Variants in KLRG1 observed in about 807,000 individuals in gnomAD.
KLRG1 encodes killer cell lectin like receptor G1, also known as killer cell lectin-like receptor subfamily G member 1.
Under a neutral mutation model 21.8 loss-of-function variants are expected in KLRG1, and 16 were observed. The ratio of observed to expected loss-of-function variants is 0.73; its 90% CI spans 0.50 to 1.11. The LOEUF (loss-of-function observed/expected upper bound fraction) is 1.11. KLRG1 is among the 50% of genes most tolerant of loss of function. The pLI is 0.00. For missense variants in KLRG1, 173 were observed against 218.3 expected (o/e 0.79, Z 1.31); for synonymous variants, 69 against 75.9 (o/e 0.91, Z 0.47).
At chr12:9,161,337 T>C in the KLRG1 span, among the ~76,000 whole-genome samples, 1 of 152,236 alleles carries the variant, frequency 6.6e-6, no homozygotes, top group Non-Finnish European at 1.5e-5. Context: ...TGAGCAATTG[T>C]TATTATTGCA....
intron 3 of KLRG1, among the ~76,000 whole-genome samples, chr12:8,997,693 A>G (rs1486382914): frequency 2.6e-5 from 4 of 152,198 alleles, no homozygotes; most frequent in African/African-American, 9.7e-5. Context: ...TTCACCTCCT[A>G]TCTTAGATCA....
chr12:8,995,866 T>C (rs766180669), intron 3 of KLRG1, among the ~76,000 whole-genome samples: 123 of 152,006 alleles, frequency 8.1e-4, no homozygotes, highest in African/African-American at 2.9e-3. Context: ...GTATTTTTAG[T>C]AGAGATGGGA....
the KLRG1 span, chr12:9,203,626 C>T: frequency 2.1e-6 from 2 of 946,936 alleles, no homozygotes; most frequent in Non-Finnish European, 1.6e-6. Context: ...CAGGCGTGAG[C>T]CACCGCACCT....
chr12:9,069,381 T>C, the KLRG1 span, among the ~76,000 whole-genome samples: 2 of 152,224 alleles, frequency 1.3e-5, no homozygotes, highest in Non-Finnish European at 2.9e-5. Context: ...CAGTTTTTTT[T>C]CCCTTTCATA....
rs773848733 is a variant in KLRG1 at position 8,997,932 on chromosome 12, G to A, written c.357+2644G>A. Among the ~76,000 whole-genome samples, 152 of 152,088 alleles carry A rather than the reference G, an allele frequency of 1.0e-3. 1 individual carries two copies. Among genetic ancestry groups the A allele is most frequent in the African/African-American group, 3.6e-3 (149 of 41,504 alleles). On this transcript the variant is annotated intron_variant, in intron 3 of 4. Transcript: ENST00000356986. ...CTCCCAAGTAACTGGGGTTACAGGC[G>A]CCTGCCTCCACGCCCGACCTTTATG...
At chr12:9,202,877 A>G in the KLRG1 span, among the ~76,000 whole-genome samples, 1 of 152,198 alleles carries the variant, frequency 6.6e-6, no homozygotes, top group Non-Finnish European at 1.5e-5. Flanking sequence ...GGCCATCAAT[A>G]GAACCCAGAT....
At position 9,009,647 on chromosome 12, in the gene KLRG1, C is replaced by T; in HGVS notation, c.*110C>T. The T allele has an allele frequency of 6.8e-7, 1 of 1,473,964 alleles. No homozygotes were observed. The highest frequency in any genetic ancestry group is 9.0e-7 in the Non-Finnish European group (1 of 1,116,882). The allele number at this position is 1,473,964 out of a possible 1,614,324, so 91.3% of individuals were successfully genotyped here. ...GAGTATATAGTTAGCAAATACTGAA[C>T]TTTCTCAGATATGGCATTAGATGCA... On this transcript the variant is annotated 3_prime_UTR_variant, in exon 5 of 5. Coordinates refer to ENST00000356986, the MANE Select transcript of KLRG1 (RefSeq NM_005810.4).
chr12:9,096,111 G>A, the KLRG1 span, among the ~76,000 whole-genome samples: 6 of 152,280 alleles, frequency 3.9e-5, no homozygotes, highest in Middle Eastern at 3.4e-3. Context: ...ATGAACATCC[G>A]TCTTTCTTTG....
At chr12:8,973,881 A>G (rs1157558871) in intron 1 of KLRG1, among the ~76,000 whole-genome samples, 1 of 152,156 alleles carries the variant, frequency 6.6e-6, no homozygotes, top group Non-Finnish European at 1.5e-5. Flanking sequence ...GTATAGAAAC[A>G]TGAATGATTT....
At chr12:9,077,519 T>C in the KLRG1 span, 1 of 1,454,760 alleles carries the variant, frequency 6.9e-7, no homozygotes, top group Non-Finnish European at 9.5e-7. Flanking sequence ...TCCTTACCCA[T>C]ATCCATCCCT....
chr12:8,958,941 G>T (rs1229992937), intron 1 of KLRG1, among the ~76,000 whole-genome samples: 1 of 152,048 alleles, frequency 6.6e-6, no homozygotes, highest in Non-Finnish European at 1.5e-5. Context: ...ACATCTTAAT[G>T]TTGAGTCTTA....
chr12:9,100,392 C>T, the KLRG1 span, among the ~76,000 whole-genome samples: 1 of 152,062 alleles, frequency 6.6e-6, no homozygotes, highest in Admixed American at 6.6e-5. Context: ...TTATACACAA[C>T]AATATTTTAT....
chr12:9,074,641 C>T, the KLRG1 span: 4 of 1,613,892 alleles, frequency 2.5e-6, no homozygotes, highest in South Asian at 1.1e-5. Flanking sequence ...TCAGGTCCTC[C>T]GAGGTTGGGG....
At chr12:9,034,902 C>A in the KLRG1 span, among the ~76,000 whole-genome samples, 1 of 152,068 alleles carries the variant, frequency 6.6e-6, no homozygotes, top group African/African-American at 2.4e-5. Context: ...GTGTTACTGC[C>A]CCTGAAGAAC....
the KLRG1 span, chr12:9,065,264 G>A: frequency 6.7e-6 from 1 of 149,470 alleles, no homozygotes; most frequent in Non-Finnish European, 1.5e-5. Flanking sequence ...CGCCCCTTCC[G>A]AACTGGTGGA....
chr12:9,085,206 A>T, the KLRG1 span, among the ~76,000 whole-genome samples: 3 of 152,090 alleles, frequency 2.0e-5, no homozygotes, highest in African/African-American at 7.2e-5. Context: ...AGAACATTTC[A>T]TCTCAAGCAC....
At chr12:9,033,843 C>G in the KLRG1 span, among the ~76,000 whole-genome samples, 1 of 152,148 alleles carries the variant, frequency 6.6e-6, no homozygotes, top group African/African-American at 2.4e-5. Context: ...GGTTTGCGTC[C>G]TCTACAAAGG....
At chr12:9,004,844 G>A (rs1173794232) in intron 3 of KLRG1, among the ~76,000 whole-genome samples, 1 of 151,992 alleles carries the variant, frequency 6.6e-6, no homozygotes, top group African/African-American at 2.4e-5. Flanking sequence ...GTCAAGAGTT[G>A]TTGCTATTAT....
chr12:9,090,456 G>A, the KLRG1 span: 283 of 1,613,954 alleles, frequency 1.8e-4, 2 homozygotes, highest in African/African-American at 3.1e-3. Context: ...CTAGGAAGGC[G>A]GGAGAGGCTT....
Sources: gnomAD v4.1 joint callset for allele counts (sites outside exome capture counted in the v4.1 genomes callset) on GRCh38, gnomAD v4.1.1 for gene constraint, MANE v1.5 for transcripts, NCBI Gene and HGNC (gene_info 2026-07-23, HGNC 2026-07-21) for gene names.